The following DNAJC2 variants were observed in gnomAD, a reference collection of about 807,000 sequenced individuals.
DNAJC2 encodes DnaJ heat shock protein family (Hsp40) member C2, also known as dnaJ homolog subfamily C member 2.
DNAJC2 carries 32 observed loss-of-function variants against 94.0 expected under a neutral mutation model. The observed-to-expected ratio is 0.34, with a 90% confidence interval of 0.26 to 0.46. DNAJC2 has a LOEUF of 0.46. Among genes scored for constraint, DNAJC2 ranks in the 20% least tolerant of loss-of-function variants. The probability of loss-of-function intolerance (pLI) is 1.00; values close to 1 mark genes in which losing one functional copy is unlikely to be tolerated. For synonymous variants in DNAJC2, 210 were observed against 229.7 expected, an observed-to-expected ratio of 0.91 and a Z score of 0.77; for missense variants, 550 against 719.5, an observed-to-expected ratio of 0.76 and a Z score of 2.69.
intron 2 of DNAJC2, among the ~76,000 whole-genome samples, chr7:103,341,139 A>T (rs1430637152): frequency 2.0e-5 from 3 of 152,240 alleles, no homozygotes; most frequent in Non-Finnish European, 2.9e-5. Flanking sequence ...TCAAGGATTC[A>T]GTCACAGGTC....
chr7:103,327,445 G>C (rs1014890311), intron 4 of DNAJC2: 11 of 764,290 alleles, frequency 1.4e-5, no homozygotes, highest in Non-Finnish European at 2.3e-5. Context: ...CTAATAAGCT[G>C]CCAGGTGTTG....
Position 103,315,138 on chromosome 7 carries a change from C to T in DNAJC2, c.1636+626G>A, listed in dbSNP as rs557894471. On this transcript the variant is annotated intron_variant, in intron 15 of 16. Transcript: ENST00000379263. Reference sequence around the variant, plus strand: ...ATGAAAAGCATTGGTCTAGAGTAATCACAACACCCAAGATAATATCAAACC... The same window carrying T: ...ATGAAAAGCATTGGTCTAGAGTAATTACAACACCCAAGATAATATCAAACC... Among the ~76,000 whole-genome samples, 5 of 151,152 alleles carry T rather than the reference C, an allele frequency of 3.3e-5. No individual in the cohort carries two copies. The South Asian group carries it at 1.0e-3, about 32-fold the overall frequency.
chr7:103,313,453 C>G (rs925271963), intron 15 of DNAJC2: 1 of 984,820 alleles, frequency 1.0e-6, no homozygotes, highest in African/African-American at 1.7e-5. Context: ...AACACAACCA[C>G]AATTCATTAA....
chr7:103,316,739 T>C, intron 13 of DNAJC2, 91 bp downstream of exon 13: 1 of 1,087,706 alleles, frequency 9.2e-7, no homozygotes, highest in Non-Finnish European at 1.3e-6. Context: ...TCTGCAAGTT[T>C]CTGTGATAAC....
intron 12 of DNAJC2, among the ~76,000 whole-genome samples, chr7:103,319,146 A>G (rs886640877): frequency 6.6e-6 from 1 of 152,082 alleles, no homozygotes; most frequent in African/African-American, 2.4e-5. Context: ...TCAAAAACAA[A>G]AACAAAAACA....
At chr7:103,327,373 G>A in intron 4 of DNAJC2, 2 of 1,251,168 alleles carry the variant, frequency 1.6e-6, no homozygotes, top group Non-Finnish European at 2.1e-6. Context: ...GAATCACCTG[G>A]GGATCCTGTT....
intron 3 of DNAJC2, among the ~76,000 whole-genome samples, chr7:103,330,284 GTTATT>G (rs200461394): frequency 6.6e-6 from 1 of 151,794 alleles, no homozygotes; most frequent in Non-Finnish European, 1.5e-5. Flanking sequence ...AATTGCATTT[GTTATT>G]TTATTTTTTT....
rs536146023 is a variant in DNAJC2, at chr7:103,337,753, C to T, written c.314G>A (p.Arg105Lys). The T allele has an allele frequency of 8.1e-6, 13 of 1,613,574 alleles. No homozygotes were observed. The South Asian group carries it at 1.4e-4, about 18-fold the overall frequency. ...LGHVRYKATQ[R>K]QIKAAHKAMV... The stretch of plus-strand genomic sequence containing the variant: ...GTACTTACGAGCTGCTTTGATCTGT[C>T]TCTGTGTAGCCTTGTATCTCACATG... The change falls in exon 3 of 17, where the codon AGA becomes AAA. Residue 105 changes from arginine to lysine, a missense_variant. Transcript: ENST00000379263.
At chr7:103,342,355 G>A (rs891265817) in intron 1 of DNAJC2, among the ~76,000 whole-genome samples, 33 of 151,616 alleles carry the variant, frequency 2.2e-4, no homozygotes, top group Non-Finnish European at 3.8e-4. Context: ...GCCCAGGCTG[G>A]AATGCAATGG....
intron 3 of DNAJC2, among the ~76,000 whole-genome samples, chr7:103,334,568 C>A (rs959652977): frequency 6.7e-6 from 1 of 148,756 alleles, no homozygotes; most frequent in Non-Finnish European, 1.5e-5. Flanking sequence ...AGTTAGACTC[C>A]GTCTTAAAAA....
rs1586064084 is a variant in DNAJC2, at chr7:103,315,988, C to G, written c.1528G>C (p.Asp510His). The G allele has an allele frequency of 6.3e-7, 1 of 1,588,512 alleles. No individual in the cohort carries two copies. Among genetic ancestry groups the G allele is most frequent in the Non-Finnish European group, 8.6e-7 (1 of 1,167,446 alleles). Residue 510 changes from aspartate to histidine, a missense_variant and splice_region_variant, in exon 14 of 17, where the codon GAC becomes CAC. Transcript: ENST00000379263. ...IGKAKSLQKL[D>H]PHQKDDINKK... is the part of the protein sequence containing the mutation. Reference sequence around the variant, plus strand: ...AACAAATGGACTTCTCAAAACTCACCAAGTTTTTGGAGACTCTTTGCTTTG... The same window carrying G: ...AACAAATGGACTTCTCAAAACTCACGAAGTTTTTGGAGACTCTTTGCTTTG...
chr7:103,332,925 T>C (rs530131378), intron 3 of DNAJC2, among the ~76,000 whole-genome samples: 8 of 152,346 alleles, frequency 5.3e-5, no homozygotes, highest in Non-Finnish European at 4.4e-5. Flanking sequence ...TGATTAGCTC[T>C]TTCTGTATTT....
rs1016950269 is a variant in DNAJC2 at position 103,315,717 on chromosome 7, A to G, written c.1636+47T>C. 4 of 1,299,324 alleles carry G rather than the reference A, an allele frequency of 3.1e-6. No individual in the cohort carries two copies. The African/African-American group carries it at 5.8e-5, about 19-fold the overall frequency. The allele number at this position is 1,299,324 out of a possible 1,614,324, so 80.5% of individuals were successfully genotyped here. On this transcript the variant is annotated intron_variant, in intron 15 of 16. Coordinates refer to ENST00000379263, the MANE Select transcript of DNAJC2 (RefSeq NM_014377.3). ...CCTAAGTCTTGTACGTCCAAGCAGCACAGATACATGGCTAGCATTTTCTAC... is the reference window on the plus strand; with the variant it reads ...CCTAAGTCTTGTACGTCCAAGCAGCGCAGATACATGGCTAGCATTTTCTAC...
chr7:103,332,847 C>CTG (rs1819027476), intron 3 of DNAJC2, among the ~76,000 whole-genome samples: 1 of 152,178 alleles, frequency 6.6e-6, no homozygotes, highest in Admixed American at 6.5e-5. Flanking sequence ...TAGTCTTGAA[C>CTG]TACAGAGCTC....
At chr7:103,338,947 G>A (rs569809334) in intron 2 of DNAJC2, among the ~76,000 whole-genome samples, 1 of 152,048 alleles carries the variant, frequency 6.6e-6, no homozygotes, top group South Asian at 2.1e-4. Flanking sequence ...TAAAAAAGAG[G>A]TAAATGTGGA....
In DNAJC2 at chr7:103,312,575, C is replaced by T; in HGVS notation, c.1860G>A (p.Lys620=). The T allele has an allele frequency of 1.2e-6, 2 of 1,611,938 alleles. No homozygotes were observed. The highest frequency in any genetic ancestry group is 1.7e-6 in the Non-Finnish European group (2 of 1,179,392). Residue 620 remains lysine (K), a synonymous_variant, in exon 17 of 17, where the codon AAG becomes AAA. Coordinates refer to ENST00000379263, the MANE Select transcript of DNAJC2 (RefSeq NM_014377.3). ...GCACACACAACAAAGATTGTCATTT[C>T]TTGGCTCTACTTGCATTCAGCACTT... ...QEQVLNASRA[K]K
intron 3 of DNAJC2, among the ~76,000 whole-genome samples, chr7:103,328,356 C>T (rs1818817845): frequency 2.0e-5 from 3 of 152,080 alleles, no homozygotes; most frequent in Admixed American, 6.5e-5. Flanking sequence ...GTAGGCTGGG[C>T]ATGGTGGCTC....
At chr7:103,315,169 AT>A (rs35425130) in intron 15 of DNAJC2, among the ~76,000 whole-genome samples, 83,981 of 146,708 alleles carry the variant, frequency 0.57, 25,368 homozygotes, top group Middle Eastern at 0.79. Flanking sequence ...AAACCCTAAC[AT>A]TTTTTTTTTT....
chr7:103,338,277 T>G (rs948314585), intron 2 of DNAJC2, among the ~76,000 whole-genome samples: 2 of 150,754 alleles, frequency 1.3e-5, no homozygotes, highest in Non-Finnish European at 3.0e-5. Flanking sequence ...CTTTTTTTTT[T>G]TTTTTTTAAT....
Sources: allele counts gnomAD v4.1 joint callset (sites outside exome capture counted in the v4.1 genomes callset), GRCh38; gene constraint gnomAD v4.1.1; transcripts MANE v1.5; gene names NCBI Gene and HGNC (gene_info 2026-07-23, HGNC 2026-07-21).